The following GALNT17 variants were observed in gnomAD, a reference collection of about 807,000 sequenced individuals.
The protein encoded by GALNT17 is polypeptide N-acetylgalactosaminyltransferase 17, also known as UDP-GalNAc:polypeptide N-acetylgalactosaminyltransferase-like 3.
GALNT17 carries 29 observed loss-of-function variants against 63.7 expected under a neutral mutation model. That is an observed-to-expected ratio of 0.46 (90% CI 0.34 to 0.62). The LOEUF is 0.62. GALNT17 is among the 20% of genes least tolerant of loss of function. The pLI is 0.01. For missense variants in GALNT17, 603 were observed against 799.6 expected (o/e 0.75, Z 2.97); for synonymous variants, 305 against 318.3 (o/e 0.96, Z 0.45).
intron 5 of GALNT17, among the ~76,000 whole-genome samples, chr7:71,551,225 T>C (rs1303292106): frequency 6.6e-6 from 1 of 152,184 alleles, no homozygotes; most frequent in African/African-American, 2.4e-5. Flanking sequence ...TCTTCAGCTG[T>C]GTCTAATCTG....
intron 1 of GALNT17, among the ~76,000 whole-genome samples, chr7:71,273,896 A>C (rs1252553320): frequency 6.6e-6 from 1 of 152,172 alleles, no homozygotes; most frequent in Non-Finnish European, 1.5e-5. Flanking sequence ...ACACACAGAA[A>C]GAGAATGTGA....
intron 1 of GALNT17, among the ~76,000 whole-genome samples, chr7:71,216,065 A>AATAATAATAATAATAATG (rs147593554): frequency 6.6e-6 from 1 of 151,248 alleles, no homozygotes; most frequent in East Asian, 2.0e-4. Flanking sequence ...TAATAATAAT[A>AATAATAATAATAATAATG]AAAAAGCCAA....
At chr7:71,430,476 G>C (rs1786841542) in intron 5 of GALNT17, among the ~76,000 whole-genome samples, 1 of 152,178 alleles carries the variant, frequency 6.6e-6, no homozygotes, top group African/African-American at 2.4e-5. Context: ...ACATTTTACA[G>C]CATATGTTGC....
chr7:71,338,491 C>G (rs1791952761), intron 2 of GALNT17, among the ~76,000 whole-genome samples: 1 of 152,186 alleles, frequency 6.6e-6, no homozygotes, highest in East Asian at 1.9e-4. Flanking sequence ...CCACTGCATT[C>G]CAGCCTGAGG....
chr7:71,591,335 C>T (rs998212341), intron 6 of GALNT17, among the ~76,000 whole-genome samples: 3 of 152,258 alleles, frequency 2.0e-5, no homozygotes, highest in Middle Eastern at 3.4e-3. Context: ...GGATTACAGG[C>T]GTGAGCCACC....
At chr7:71,409,139 G>T (rs1036990717) in intron 3 of GALNT17, among the ~76,000 whole-genome samples, 1 of 151,918 alleles carries the variant, frequency 6.6e-6, no homozygotes, top group African/African-American at 2.4e-5. Context: ...ACTTCCAAGG[G>T]GTTCAGTTTT....
chr7:71,587,241 T>C (rs904760533), intron 6 of GALNT17, among the ~76,000 whole-genome samples: 1 of 152,092 alleles, frequency 6.6e-6, no homozygotes, highest in Non-Finnish European at 1.5e-5. Flanking sequence ...TTGGCCAGGC[T>C]GGTCTCGAAC....
intron 1 of GALNT17, among the ~76,000 whole-genome samples, chr7:71,143,718 C>T (rs973496751): frequency 7.2e-5 from 11 of 151,852 alleles, no homozygotes; most frequent in African/African-American, 2.7e-4. Flanking sequence ...CTTATTGCAT[C>T]TGGGGATGAT....
intron 5 of GALNT17, among the ~76,000 whole-genome samples, chr7:71,476,143 G>C (rs191277189): frequency 6.6e-6 from 1 of 152,162 alleles, no homozygotes; most frequent in Non-Finnish European, 1.5e-5. Flanking sequence ...AGAGAATAAC[G>C]GGATTATGAG....
intron 6 of GALNT17, among the ~76,000 whole-genome samples, chr7:71,651,696 T>A (rs1441827009): frequency 6.6e-6 from 1 of 152,136 alleles, no homozygotes; most frequent in African/African-American, 2.4e-5. Flanking sequence ...TGGATTTTGT[T>A]TTCTTTTTAT....
intron 3 of GALNT17, among the ~76,000 whole-genome samples, chr7:71,404,831 C>T (rs894899742): frequency 5.9e-5 from 9 of 152,174 alleles, no homozygotes; most frequent in South Asian, 2.1e-4. Context: ...CTCTTCTCTG[C>T]GGAGCACTGA....
At position 71,132,494 on chromosome 7, in the gene GALNT17, G is replaced by C. The variant is rs973061531; in HGVS notation, c.-309G>C. On this transcript the variant is annotated 5_prime_UTR_variant, in exon 1 of 11. Transcript: ENST00000333538. ...AGGCGAACCACTTGCTGGTGCAGAA[G>C]AGAAACCCTCAAATCCCTGGCCTTT... The C allele has an allele frequency of 6.4e-6, 2 of 312,964 alleles. No homozygotes were observed. The highest frequency in any genetic ancestry group is 1.2e-5 in the Non-Finnish European group (2 of 170,252). 19.4% of individuals were successfully genotyped at this position (312,964 alleles called of 1,614,324 possible).
rs754704145 is a variant in GALNT17 at position 71,472,641 on chromosome 7, G to C, written c.962+51536G>C. On this transcript the variant is annotated intron_variant, in intron 5 of 10. Transcript: ENST00000333538. ...GCAGAGGTTTCAGTGAGCCGAGATC[G>C]TGTCACTGCCCTCCAGCCTGGGGAC... is the stretch of plus-strand genomic sequence containing the variant. Among the ~76,000 whole-genome samples the C allele has an allele frequency of 2.6e-5, 4 of 152,308 alleles. No homozygotes were observed. In the East Asian group the frequency reaches 7.7e-4, roughly 29 times the overall value.
chr7:71,638,896 A>G (rs983235814), intron 6 of GALNT17, among the ~76,000 whole-genome samples: 3 of 152,152 alleles, frequency 2.0e-5, no homozygotes, highest in Admixed American at 6.6e-5. Flanking sequence ...AATTGAACAC[A>G]TGGACACAGA....
At chr7:71,527,294 T>C (rs944364023) in intron 5 of GALNT17, among the ~76,000 whole-genome samples, 1 of 152,172 alleles carries the variant, frequency 6.6e-6, no homozygotes, top group African/African-American at 2.4e-5. Context: ...CATTAGGCAA[T>C]ACAAATTCAG....
intron 9 of GALNT17, among the ~76,000 whole-genome samples, chr7:71,705,024 A>G (rs1219921368): frequency 6.6e-6 from 1 of 152,210 alleles, no homozygotes. Flanking sequence ...GTATTTTACC[A>G]AAAAGAAAAA....
At chr7:71,201,839 GCCAGGCTGGTCTCAATTTCTTGA>G (rs1192566710) in intron 1 of GALNT17, among the ~76,000 whole-genome samples, 1 of 152,006 alleles carries the variant, frequency 6.6e-6, no homozygotes, top group Non-Finnish European at 1.5e-5. Flanking sequence ...CACCATGTTG[GCCAGGCTGGTCTCAATTTCTTGA>G]CCTCAGGTGA....
intron 5 of GALNT17, among the ~76,000 whole-genome samples, chr7:71,526,447 C>T (rs532759524): frequency 9.9e-5 from 15 of 152,276 alleles, no homozygotes; most frequent in South Asian, 4.1e-4. Flanking sequence ...CATTTCCAGA[C>T]GCCAGTCTAC....
At chr7:71,372,149 T>C (rs1461568685) in intron 2 of GALNT17, among the ~76,000 whole-genome samples, 3 of 151,998 alleles carry the variant, frequency 2.0e-5, no homozygotes, top group Admixed American at 1.3e-4. Flanking sequence ...CCCACCTAAT[T>C]ATATTCTTTT....
Sources: allele counts gnomAD v4.1 joint callset (sites outside exome capture counted in the v4.1 genomes callset), GRCh38; gene constraint gnomAD v4.1.1; transcripts MANE v1.5; gene names NCBI Gene and HGNC (gene_info 2026-07-23, HGNC 2026-07-21).